Variants in PRLHR observed in about 807,000 individuals in gnomAD.
The protein encoded by PRLHR is prolactin releasing hormone receptor.
PRLHR carries 10 observed loss-of-function variants against 9.3 expected under a neutral mutation model. The ratio of observed to expected loss-of-function variants is 1.08; its 90% CI spans 0.66 to 1.82. The LOEUF (loss-of-function observed/expected upper bound fraction) is 1.82. Among genes scored for constraint, PRLHR ranks in the 40% most tolerant of loss-of-function variants. The probability of loss-of-function intolerance (pLI) is 0.00; values close to 1 mark genes in which losing one functional copy is unlikely to be tolerated. For synonymous variants in PRLHR, 261 were observed against 249.3 expected, an observed-to-expected ratio of 1.05 and a Z score of -0.44; for missense variants, 589 against 512.0, an observed-to-expected ratio of 1.15 and a Z score of -1.45.
In PRLHR at chr10:118,595,579, C is replaced by G. The variant is rs931243244; in HGVS notation, c.-70G>C. The G allele has an allele frequency of 4.5e-6, 1 of 220,236 alleles. No individual in the cohort carries two copies. The highest frequency in any genetic ancestry group is 2.3e-5 in the African/African-American group (1 of 43,926). The allele number at this position is 220,236 out of a possible 1,614,324, so 13.6% of individuals were successfully genotyped here. ...GAAGAAGGGGCAGAATTTCTGCTGG[C>G]CCTCGGTAGTCCTCTGCCCACGTCG... On this transcript the variant is annotated 5_prime_UTR_variant, in exon 1 of 2. Coordinates refer to ENST00000239032, the MANE Select transcript of PRLHR (RefSeq NM_004248.3).
Position 118,591,204 on chromosome 10 carries a change from C to T in PRLHR, c.*2928G>A, listed in dbSNP as rs1402578107. 1 of 152,140 alleles carries T rather than the reference C, an allele frequency of 6.6e-6. No homozygotes were observed. The highest frequency in any genetic ancestry group is 6.5e-5 in the Admixed American group (1 of 15,268). 9.4% of individuals were successfully genotyped at this position (152,140 alleles called of 1,614,324 possible). On this transcript the variant is annotated 3_prime_UTR_variant, in exon 2 of 2. Coordinates refer to ENST00000239032, the MANE Select transcript of PRLHR (RefSeq NM_004248.3). ...ACTGCAGCCCAGTGATCCTCCCAGG[C>T]TCAAGTGATCCTCCTGCCTTTGTGT...
rs1844446115 is a variant in PRLHR, at chr10:118,592,887, G to A, written c.*1245C>T. On this transcript the variant is annotated 3_prime_UTR_variant, in exon 2 of 2. Coordinates refer to ENST00000239032, the MANE Select transcript of PRLHR (RefSeq NM_004248.3). ...CTGGATATTATGTATCATTTCCCAA[G>A]ACTCCTGCCCTCACTGCCCAAGTTG... 1 of 152,220 alleles carries A rather than the reference G, an allele frequency of 6.6e-6. No homozygotes were observed. Among genetic ancestry groups the A allele is most frequent in the Non-Finnish European group, 1.5e-5 (1 of 68,054 alleles). 9.4% of individuals were successfully genotyped at this position (152,220 alleles called of 1,614,324 possible).
rs780810167 is a variant in PRLHR, at chr10:118,595,153, T to A, written c.92A>T (p.Glu31Val). The A allele has an allele frequency of 6.3e-7, 1 of 1,593,868 alleles. No homozygotes were observed. The highest frequency in any genetic ancestry group is 1.1e-5 in the South Asian group (1 of 90,734). ...CACCGACCCGTTGCCCGCCGAGGCCTCTGCGCTCTGGTTGGCGGGAGTTGT... is the reference window on the plus strand; with the variant it reads ...CACCGACCCGTTGCCCGCCGAGGCCACTGCGCTCTGGTTGGCGGGAGTTGT... ...AVTTPANQSA[E>V]ASAGNGSVAG... is the part of the protein sequence containing the mutation. Residue 31 changes from glutamate (E) to valine (V), a missense_variant, in exon 2 of 2, where the codon GAG (glutamate) becomes GTG (valine). Transcript: ENST00000239032.
At chr10:118,595,381 T>A in intron 1 of PRLHR, 131 bp from the exon 2 acceptor site, 1 of 794,310 alleles carries the variant, frequency 1.3e-6, no homozygotes, top group Non-Finnish European at 1.9e-6. Flanking sequence ...ACAGCAAAAG[T>A]AGCAAAAAGT....
rs1844427360 is a variant in PRLHR at position 118,590,942 on chromosome 10, A to G, written c.*3190T>C. Reference sequence around the variant, plus strand: ...TTCAAACTTAAGTTGTAGGCATGACAGAAACCAGTGGCAGCTTTTCTAGTA... The same window carrying G: ...TTCAAACTTAAGTTGTAGGCATGACGGAAACCAGTGGCAGCTTTTCTAGTA... On this transcript the variant is annotated 3_prime_UTR_variant, in exon 2 of 2. Transcript: ENST00000239032. The G allele has an allele frequency of 6.6e-6, 1 of 152,256 alleles. No homozygotes were observed. Among genetic ancestry groups the G allele is most frequent in the African/African-American group, 2.4e-5 (1 of 41,466 alleles). 9.4% of individuals were successfully genotyped at this position (152,256 alleles called of 1,614,324 possible).
chr10:118,595,147 G>A lies in PRLHR; in HGVS notation c.98C>T (p.Ser33Leu), dbSNP rs1050331189. 3.8e-6 allele frequency: 6 copies of A among 1,597,042 alleles called. No homozygotes were observed. The Admixed American group carries it at 5.0e-5, about 13-fold the overall frequency. Reference protein sequence around the residue: ...TTPANQSAEASAGNGSVAGAD... With the variant: ...TTPANQSAEALAGNGSVAGAD... ...GCCAGCCACCGACCCGTTGCCCGCC[G>A]AGGCCTCTGCGCTCTGGTTGGCGGG... is the stretch of plus-strand genomic sequence containing the variant. Residue 33 changes from serine (S) to leucine (L), a missense_variant, in exon 2 of 2, where the codon TCG becomes TTG. By Grantham distance (145) the Ser-to-Leu change is moderately radical (BLOSUM62 -2). Coordinates refer to ENST00000239032, the MANE Select transcript of PRLHR (RefSeq NM_004248.3).
Position 118,594,335 on chromosome 10 carries a change from C to A in PRLHR, c.910G>T (p.Asp304Tyr), listed in dbSNP as rs773291112. Residue 304 changes from aspartate to tyrosine, a missense_variant, in exon 2 of 2, where the codon GAC becomes TAC. Physicochemically the swap from Asp to Tyr is radical, Grantham distance 160 (BLOSUM62 -3). Transcript: ENST00000239032. ...GCGTAAGGGTCGATGGCGTGGGGGT[C>A]GAGGTCCCGCAGCAGGTTGAAGACG... is the stretch of plus-strand genomic sequence containing the variant. ...LHVFNLLRDL[D>Y]PHAIDPYAFG... The A allele has an allele frequency of 3.7e-6, 6 of 1,600,226 alleles. No homozygotes were observed. The highest frequency in any genetic ancestry group is 1.7e-5 in the Admixed American group (1 of 59,854).
At position 118,593,468 on chromosome 10, in the gene PRLHR, T is replaced by A. The variant is rs1844450492; in HGVS notation, c.*664A>T. 6.6e-6 allele frequency: 1 copy of A among 152,150 alleles called. No individual in the cohort carries two copies. Among genetic ancestry groups the A allele is most frequent in the South Asian group, 2.1e-4 (1 of 4,836 alleles). 9.4% of individuals were successfully genotyped at this position (152,150 alleles called of 1,614,324 possible). On this transcript the variant is annotated 3_prime_UTR_variant, in exon 2 of 2. Transcript: ENST00000239032. ...CGTCTCATCATTTTTAAATAGTAGT[T>A]GGGGAGGAAAGGGGAGAAACAATAG...
At position 118,595,560 on chromosome 10, in the gene PRLHR, G is replaced by T; in HGVS notation, c.-51C>A. Reference sequence around the variant, plus strand: ...AGCGGGAAAGCACTCGCGGGAAGAAGGGGCAGAATTTCTGCTGGCCCTCGG... The same window carrying T: ...AGCGGGAAAGCACTCGCGGGAAGAATGGGCAGAATTTCTGCTGGCCCTCGG... On this transcript the variant is annotated 5_prime_UTR_variant, in exon 1 of 2. Coordinates refer to ENST00000239032, the MANE Select transcript of PRLHR (RefSeq NM_004248.3). The T allele has an allele frequency of 4.0e-6, 1 of 250,324 alleles. No individual in the cohort carries two copies. The highest frequency in any genetic ancestry group is 7.6e-6 in the Non-Finnish European group (1 of 131,496). 15.5% of individuals were successfully genotyped at this position (250,324 alleles called of 1,614,324 possible). A position where few individuals can be genotyped will look rare whatever the true frequency, so the allele number is the denominator to read the frequency against.
Position 118,594,671 on chromosome 10 carries a change from G to A in PRLHR, c.574C>T (p.Leu192=). The part of the protein sequence containing the change: ...AIWALSAVLA[L]PAAVHTYHVE... ...TGATAGGTGTGCACGGCGGCGGGCA[G>A]CGCCAGCACCGCGGACAGCGCCCAG... The change falls in exon 2 of 2, where the codon CTG becomes TTG. Residue 192 remains leucine (L), a synonymous_variant. Coordinates refer to ENST00000239032, the MANE Select transcript of PRLHR (RefSeq NM_004248.3). The A allele has an allele frequency of 1.3e-6, 2 of 1,585,780 alleles. No homozygotes were observed. The highest frequency in any genetic ancestry group is 1.7e-6 in the Non-Finnish European group (2 of 1,169,212).
Position 118,594,883 on chromosome 10 carries a change from G to A in PRLHR, c.362C>T (p.Ala121Val), listed in dbSNP as rs754543413. 1.9e-6 allele frequency: 3 copies of A among 1,613,378 alleles called. No homozygotes were observed. The highest frequency in any genetic ancestry group is 1.7e-5 in the Admixed American group (1 of 59,996). ...GAACACCCAGCCGCGTGGCTCGAAG[G>A]CATAGGCCAGCGTGAGCGGCACGCA... ...TACVPLTLAY[A>V]FEPRGWVFGG... is the part of the protein sequence containing the mutation. The change falls in exon 2 of 2, where the codon GCC (alanine) becomes GTC (valine). Residue 121 changes from alanine to valine, a missense_variant. Ala to Val is a moderately conservative substitution (Grantham distance 64, BLOSUM62 0). Coordinates refer to ENST00000239032, the MANE Select transcript of PRLHR (RefSeq NM_004248.3).
At chr10:118,595,311 C>T (rs1008336394) in intron 1 of PRLHR, 61 bp from the exon 2 acceptor site, 59 of 1,415,094 alleles carry the variant, frequency 4.2e-5, no homozygotes, top group Non-Finnish European at 5.4e-5. Flanking sequence ...ACCTCCTACA[C>T]CAGCCGCGCC....
chr10:118,591,464 GGACT>G lies in PRLHR; in HGVS notation c.*2664_*2667del, dbSNP rs1380806670. The G allele has an allele frequency of 6.6e-6, 1 of 152,082 alleles. No individual in the cohort carries two copies. Among genetic ancestry groups the G allele is most frequent in the Non-Finnish European group, 1.5e-5 (1 of 68,026 alleles). The allele number at this position is 152,082 out of a possible 1,614,324, so 9.4% of individuals were successfully genotyped here. ...TGATGATATTCCTTCTGAATTGATT[GGACT>G]GATACATAAGAAATATGTAAGTAAA... On this transcript the variant is annotated 3_prime_UTR_variant, in exon 2 of 2. Coordinates refer to ENST00000239032, the MANE Select transcript of PRLHR (RefSeq NM_004248.3).
In PRLHR at chr10:118,595,223, C is replaced by A; in HGVS notation, c.22G>T (p.Gly8Cys). The A allele has an allele frequency of 6.5e-7, 1 of 1,537,682 alleles. No homozygotes were observed. The change falls in exon 2 of 2, where the codon GGC (glycine) becomes TGC (cysteine). Residue 8 changes from glycine (G) to cysteine (C), a missense_variant. Gly to Cys is a radical substitution (Grantham distance 159, BLOSUM62 -3). Transcript: ENST00000239032. Reference sequence around the variant, plus strand: ...GAAAATAAGTCAGAAACCCTGGGGCCCCGAGTGGTCGATGAGGCCATGGCC... The same window carrying A: ...GAAAATAAGTCAGAAACCCTGGGGCACCGAGTGGTCGATGAGGCCATGGCC... MASSTTR[G>C]PRVSDLFSGL... is the part of the protein sequence containing the mutation.
At position 118,592,612 on chromosome 10, in the gene PRLHR, A is replaced by G. The variant is rs768167949; in HGVS notation, c.*1520T>C. The stretch of plus-strand genomic sequence containing the variant: ...TAAAGATTCCTATGCCAACCAGCCC[A>G]ACCGTGATCACTCCCACTCCCACCA... On this transcript the variant is annotated 3_prime_UTR_variant, in exon 2 of 2. Coordinates refer to ENST00000239032, the MANE Select transcript of PRLHR (RefSeq NM_004248.3). 6.6e-6 allele frequency: 1 copy of G among 152,290 alleles called. No individual in the cohort carries two copies. The highest frequency in any genetic ancestry group is 1.5e-5 in the Non-Finnish European group (1 of 68,088). The allele number at this position is 152,290 out of a possible 1,614,324, so 9.4% of individuals were successfully genotyped here. A position where few individuals can be genotyped will look rare whatever the true frequency, so the allele number is the denominator to read the frequency against.
rs768482521 is a variant in PRLHR at position 118,594,787 on chromosome 10, G to C, written c.458C>G (p.Thr153Ser). 6.2e-7 allele frequency: 1 copy of C among 1,611,964 alleles called. No homozygotes were observed. Residue 153 changes from threonine (T) to serine (S), a missense_variant, in exon 2 of 2, where the codon ACC (threonine) becomes AGC (serine). Thr to Ser is a moderately conservative substitution (Grantham distance 58). Transcript: ENST00000239032. ...GACGTAGCGGTCCACTGCGATGGTG[G>C]TGAGCGTGAACACCGACACATAGAC... is the stretch of plus-strand genomic sequence containing the variant. ...VTVYVSVFTL[T>S]TIAVDRYVVL...
chr10:118,595,391 T>G (rs1466269524), intron 1 of PRLHR, 125 bp downstream of exon 1: 1 of 705,566 alleles, frequency 1.4e-6, no homozygotes, highest in Non-Finnish European at 2.3e-6. Flanking sequence ...TAGCAAAAAG[T>G]GTTGTCCTCT....
chr10:118,594,070 G>T lies in PRLHR; in HGVS notation c.*62C>A, dbSNP rs1398207364. On this transcript the variant is annotated 3_prime_UTR_variant, in exon 2 of 2. Transcript: ENST00000239032. ...TGAGAATAAGCACCAGATTGACCTC[G>T]AGTGGTGCCCTAGGAGGCCAGTTGA... 3.3e-6 allele frequency: 5 copies of T among 1,501,666 alleles called. No homozygotes were observed. The highest frequency in any genetic ancestry group is 2.3e-5 in the Admixed American group (1 of 43,596). The allele number at this position is 1,501,666 out of a possible 1,614,324, so 93.0% of individuals were successfully genotyped here. A position where few individuals can be genotyped will look rare whatever the true frequency, so the allele number is the denominator to read the frequency against.
chr10:118,594,597 G>C lies in PRLHR; in HGVS notation c.648C>G (p.Gly216=). 6.4e-7 allele frequency: 1 copy of C among 1,565,328 alleles called. No individual in the cohort carries two copies. Among genetic ancestry groups the C allele is most frequent in the Non-Finnish European group, 8.7e-7 (1 of 1,155,686 alleles). The stretch of plus-strand genomic sequence containing the variant: ...AGAGCTGGCGCTGGCGCTCCTGGGA[G>C]CCCCAGAACTCCTCGCAGAGGCGCA... The part of the protein sequence containing the change: ...HDVRLCEEFW[G]SQERQRQLYA... Residue 216 remains glycine (G), a synonymous_variant, in exon 2 of 2, where the codon GGC becomes GGG. Coordinates refer to ENST00000239032, the MANE Select transcript of PRLHR (RefSeq NM_004248.3).
Sources: allele counts gnomAD v4.1 joint callset, GRCh38; gene constraint gnomAD v4.1.1; transcripts MANE v1.5; gene names NCBI Gene and HGNC (gene_info 2026-07-23, HGNC 2026-07-21).